FBLN1: variants seen among roughly 807,000 people sequenced by gnomAD.
The protein encoded by FBLN1 is fibulin-1.
In FBLN1, 34 loss-of-function variants were observed where a neutral mutation model predicts 89.7. That is an observed-to-expected ratio of 0.38 (90% CI 0.29 to 0.50). The LOEUF is 0.50. FBLN1 is among the 20% of genes least tolerant of loss of function. The pLI is 0.92. For missense variants in FBLN1, 777 were observed against 988.1 expected (o/e 0.79, Z 2.86); for synonymous variants, 393 against 391.3 (o/e 1.00, Z -0.05).
chr22:45,525,638 C>T lies in FBLN1; in HGVS notation c.281C>T (p.Pro94Leu). The change falls in exon 3 of 17, where the codon CCC becomes CTC. Residue 94 changes from proline (P) to leucine (L), a missense_variant. Physicochemically the swap from Pro to Leu is moderately conservative, Grantham distance 98. Transcript: ENST00000327858. ...AACGAGCAGGACCGCTGTGCCACGC[C>T]CCACGGTGACAACGCCAGCCTGGAG... ...LANEQDRCAT[P>L]HGDNASLEAT... is the part of the protein sequence containing the mutation. 1 of 1,551,330 alleles carries T rather than the reference C, an allele frequency of 6.4e-7. No homozygotes were observed. Among genetic ancestry groups the T allele is most frequent in the Non-Finnish European group, 8.7e-7 (1 of 1,147,000 alleles).
intron 14 of FBLN1, chr22:45,558,024 G>T (rs1442934816): frequency 1.4e-6 from 1 of 714,884 alleles, no homozygotes; most frequent in East Asian, 2.7e-5. Flanking sequence ...TGCATATCGT[G>T]CAGAATGATC....
In FBLN1 at chr22:45,579,701, T is replaced by G. The variant is rs544321843; in HGVS notation, c.1972+2593T>G. Among the ~76,000 whole-genome samples, 22 of 152,324 alleles carry G rather than the reference T, an allele frequency of 1.4e-4. 1 individual carries two copies. The East Asian group carries it at 4.2e-3, about 29-fold the overall frequency. On this transcript the variant is annotated intron_variant, in intron 16 of 16. Coordinates refer to ENST00000327858, the MANE Select transcript of FBLN1 (RefSeq NM_006486.3). The surrounding 1 kb of genome is among the most constrained non-coding windows in gnomAD (Gnocchi z 5.5). ...AGACTGAGACCAGGGAGGCAAGCCC[T>G]GCGTGTTGGGACCTAGGCTGCATTG... is the stretch of plus-strand genomic sequence containing the variant.
Position 45,562,841 on chromosome 22 carries a change from GCTCTGCCGTTT to G in FBLN1, c.1698-11666_1698-11656del. 6.8e-7 allele frequency: 1 copy of G among 1,475,942 alleles called. No individual in the cohort carries two copies. The highest frequency in any genetic ancestry group is 9.4e-7 in the Non-Finnish European group (1 of 1,064,588). 91.4% of individuals were successfully genotyped at this position (1,475,942 alleles called of 1,614,324 possible). A position where few individuals can be genotyped will look rare whatever the true frequency, so the allele number is the denominator to read the frequency against. On this transcript the variant is annotated intron_variant, in intron 14 of 16. Transcript: ENST00000327858. This position sits in a 1 kb window ranked among gnomAD's most constrained non-coding sequence, Gnocchi z 7.8. ...CCGCCTGCCAGCCCCGCATCCCCGC[GCTCTGCCGTTT>G]CTCCGCTTGCTGGACCGGCCCTAAC... is the stretch of plus-strand genomic sequence containing the variant.
At chr22:45,518,505 G>A (rs1165465467) in intron 1 of FBLN1, 177 bp from the exon 2 acceptor site, 13 of 654,806 alleles carry the variant, frequency 2.0e-5, no homozygotes, top group African/African-American at 1.8e-4. Context: ...GTGTGGACTC[G>A]CAGCTGGGGT....
At position 45,563,328 on chromosome 22, in the gene FBLN1, G is replaced by GT; in HGVS notation, c.1698-11181dup. 2.5e-6 allele frequency: 4 copies of GT among 1,609,414 alleles called. No individual in the cohort carries two copies. The highest frequency in any genetic ancestry group is 3.4e-6 in the Non-Finnish European group (4 of 1,179,452). ...CTTTCCTAACCCTGCCCTCCGGGGC[G>GT]TTAATAAAGTCTTAGCAAGCGTCCC... is the stretch of plus-strand genomic sequence containing the variant. On this transcript the variant is annotated intron_variant, in intron 14 of 16. Coordinates refer to ENST00000327858, the MANE Select transcript of FBLN1 (RefSeq NM_006486.3). This position sits in a 1 kb window ranked among gnomAD's most constrained non-coding sequence, Gnocchi z 5.7.
chr22:45,504,017 C>T (rs1285436279), intron 1 of FBLN1, among the ~76,000 whole-genome samples: 1 of 152,204 alleles, frequency 6.6e-6, no homozygotes, highest in East Asian at 1.9e-4. Flanking sequence ...AGCCACTAGC[C>T]AGGCCCGGCA....
rs1486388504 is a variant in FBLN1, at chr22:45,559,604, C to T, written c.1697+8989C>T. Reference sequence around the variant, plus strand: ...TGGGAAAATGACCACAGGATGAGTCCGGGGACCCACTGGACCCACTGTAAG... The same window carrying T: ...TGGGAAAATGACCACAGGATGAGTCTGGGGACCCACTGGACCCACTGTAAG... On this transcript the variant is annotated intron_variant, in intron 14 of 16. Transcript: ENST00000327858. Among the ~76,000 whole-genome samples, 7 of 152,062 alleles carry T rather than the reference C, an allele frequency of 4.6e-5. No individual in the cohort carries two copies. The South Asian group carries it at 8.3e-4, about 18-fold the overall frequency.
At chr22:45,515,095 T>C (rs935894738) in intron 1 of FBLN1, among the ~76,000 whole-genome samples, 1 of 152,134 alleles carries the variant, frequency 6.6e-6, no homozygotes, top group Admixed American at 6.5e-5. Flanking sequence ...ATGGAAGGGG[T>C]TGAGGAGTGA....
rs914477983 is a variant in FBLN1, at chr22:45,575,521, G to A, written c.1840+868G>A. ...ACCCCCAGGCTTTGGGGGAACCATC[G>A]GAAGGTTGCAGTGGAGGAGGTTTGC... On this transcript the variant is annotated intron_variant, in intron 15 of 16. Transcript: ENST00000327858. This position sits in a 1 kb window ranked among gnomAD's most constrained non-coding sequence, Gnocchi z 6.3. Among the ~76,000 whole-genome samples the A allele has an allele frequency of 2.6e-5, 4 of 152,110 alleles. No individual in the cohort carries two copies. Among genetic ancestry groups the A allele is most frequent in the South Asian group, 2.1e-4 (1 of 4,808 alleles).
Position 45,572,365 on chromosome 22 carries a change from A to G in FBLN1, c.1698-2146A>G, listed in dbSNP as rs1174167652. On this transcript the variant is annotated intron_variant, in intron 14 of 16. Transcript: ENST00000327858. This position sits in a 1 kb window ranked among gnomAD's most constrained non-coding sequence, Gnocchi z 5.8. ...GAGATGGGAAAATTTGAGTTTCAAC[A>G]AAGGATAAAAATTGCAGAGGATCAA... Among the ~76,000 whole-genome samples, 1 of 152,190 alleles carries G rather than the reference A, an allele frequency of 6.6e-6. No individual in the cohort carries two copies. Among genetic ancestry groups the G allele is most frequent in the Non-Finnish European group, 1.5e-5 (1 of 68,024 alleles).
At position 45,556,882 on chromosome 22, in the gene FBLN1, A is replaced by T. The variant is rs1050579613; in HGVS notation, c.1697+6267A>T. 1.3e-5 allele frequency among the ~76,000 whole-genome samples: 2 copies of T among 152,188 alleles called. No homozygotes were observed. Among genetic ancestry groups the T allele is most frequent in the Admixed American group, 1.3e-4 (2 of 15,274 alleles). ...GAAGCAAAAATTTTGCTAGTGGATC[A>T]CTAGGGGTGATGGTGAGTGGTGCCA... On this transcript the variant is annotated intron_variant, in intron 14 of 16. Transcript: ENST00000327858. This position sits in a 1 kb window ranked among gnomAD's most constrained non-coding sequence, Gnocchi z 4.6.
At chr22:45,519,004 T>C (rs1569236334) in intron 2 of FBLN1, among the ~76,000 whole-genome samples, 1 of 151,930 alleles carries the variant, frequency 6.6e-6, no homozygotes, top group Non-Finnish European at 1.5e-5. Context: ...CACTCTGTGA[T>C]TGTCGGGGTA....
intron 16 of FBLN1, among the ~76,000 whole-genome samples, chr22:45,592,623 C>T (rs982839456): frequency 2.0e-5 from 3 of 152,208 alleles, no homozygotes; most frequent in South Asian, 2.1e-4. Context: ...TCACCACGCC[C>T]GGCCGCACAT....
chr22:45,523,153 G>A (rs773486175), intron 2 of FBLN1: 6 of 778,970 alleles, frequency 7.7e-6, no homozygotes, highest in Non-Finnish European at 4.8e-6. Flanking sequence ...TGGAAAGTGG[G>A]AAGAGCATCC....
rs1174720602 is a variant in FBLN1, at chr22:45,576,155, G to A, written c.1841-822G>A. Reference sequence around the variant, plus strand: ...AGGAATAACGCTGAATCGTCACAGGGTGGCACAGACTTGGGTCAGAGAAAA... The same window carrying A: ...AGGAATAACGCTGAATCGTCACAGGATGGCACAGACTTGGGTCAGAGAAAA... On this transcript the variant is annotated intron_variant, in intron 15 of 16. Coordinates refer to ENST00000327858, the MANE Select transcript of FBLN1 (RefSeq NM_006486.3). This position sits in a 1 kb window ranked among gnomAD's most constrained non-coding sequence, Gnocchi z 5.2. Among the ~76,000 whole-genome samples the A allele has an allele frequency of 6.6e-6, 1 of 152,230 alleles. No homozygotes were observed. Among genetic ancestry groups the A allele is most frequent in the Non-Finnish European group, 1.5e-5 (1 of 68,046 alleles).
chr22:45,532,984 T>C lies in FBLN1; in HGVS notation c.545-79T>C. 2 of 1,381,622 alleles carry C rather than the reference T, an allele frequency of 1.4e-6. No individual in the cohort carries two copies. Among genetic ancestry groups the C allele is most frequent in the South Asian group, 2.3e-5 (2 of 85,606 alleles). The allele number at this position is 1,381,622 out of a possible 1,614,324, so 85.6% of individuals were successfully genotyped here. On this transcript the variant is annotated intron_variant, in intron 5 of 16. Transcript: ENST00000327858. The surrounding 1 kb of genome is among the most constrained non-coding windows in gnomAD (Gnocchi z 4.2). ...TCGTCTGCCCAGAGGGCGTTTTCTA[T>C]GACCCAGCCTGAACGGAGCTAGAAA...
chr22:45,528,728 T>C (rs1212686650), intron 4 of FBLN1, among the ~76,000 whole-genome samples: 1 of 150,944 alleles, frequency 6.6e-6, no homozygotes, highest in Non-Finnish European at 1.5e-5. Context: ...CCCAGCCCAA[T>C]TGACACTTAC....
Position 45,592,928 on chromosome 22 carries a change from C to G in FBLN1, c.1973-7379C>G, listed in dbSNP as rs1468103596. 2.6e-5 allele frequency among the ~76,000 whole-genome samples: 4 copies of G among 152,176 alleles called. No individual in the cohort carries two copies. The East Asian group carries it at 5.8e-4, about 22-fold the overall frequency. ...TGAGATATTGTGCAGTCTCTTGATTCATCATCTGGTTTGCTAAAATGCTCT... is the reference window on the plus strand; with the variant it reads ...TGAGATATTGTGCAGTCTCTTGATTGATCATCTGGTTTGCTAAAATGCTCT... On this transcript the variant is annotated intron_variant, in intron 16 of 16. Transcript: ENST00000327858.
chr22:45,563,318 C>T lies in FBLN1; in HGVS notation c.1698-11193C>T. ...CCTCCTGTTGCTTTCCTAACCCTGC[C>T]CTCCGGGGCGTTAATAAAGTCTTAG... On this transcript the variant is annotated intron_variant, in intron 14 of 16. Coordinates refer to ENST00000327858, the MANE Select transcript of FBLN1 (RefSeq NM_006486.3). This position sits in a 1 kb window ranked among gnomAD's most constrained non-coding sequence, Gnocchi z 5.7. The T allele has an allele frequency of 6.2e-7, 1 of 1,611,570 alleles. No homozygotes were observed. Among genetic ancestry groups the T allele is most frequent in the South Asian group, 1.1e-5 (1 of 90,960 alleles).
Sources: allele counts gnomAD v4.1 joint callset (sites outside exome capture counted in the v4.1 genomes callset), GRCh38; gene constraint gnomAD v4.1.1; non-coding constraint Gnocchi (gnomAD v3.1); transcripts MANE v1.5; gene names NCBI Gene and HGNC (gene_info 2026-07-23, HGNC 2026-07-21).